The following ZNF385D variants were observed in gnomAD, a reference collection of about 807,000 sequenced individuals.
The protein encoded by ZNF385D is zinc finger protein 385D, also known as zinc finger protein 659.
In ZNF385D, 15 loss-of-function variants were observed where a neutral mutation model predicts 35.8. The ratio of observed to expected loss-of-function variants is 0.42; its 90% CI spans 0.28 to 0.64. The LOEUF (loss-of-function observed/expected upper bound fraction) is 0.64. Ranked by LOEUF, ZNF385D falls within the 30% of genes least tolerant of loss-of-function variation. The probability of loss-of-function intolerance (pLI) is 0.23; values close to 1 mark genes in which losing one functional copy is unlikely to be tolerated. For synonymous variants in ZNF385D, 212 were observed against 186.8 expected, an observed-to-expected ratio of 1.13 and a Z score of -1.10; for missense variants, 474 against 494.6, an observed-to-expected ratio of 0.96 and a Z score of 0.39.
intron 3 of ZNF385D, among the ~76,000 whole-genome samples, chr3:21,773,606 C>T (rs1393983088): frequency 1.3e-5 from 2 of 151,788 alleles, no homozygotes; most frequent in Admixed American, 6.6e-5. Flanking sequence ...AAAAAGTGGG[C>T]AAAGAACACA....
At chr3:22,235,315 C>T (rs948231076) in intron 2 of ZNF385D, among the ~76,000 whole-genome samples, 2 of 151,750 alleles carry the variant, frequency 1.3e-5, no homozygotes, top group African/African-American at 4.8e-5. Flanking sequence ...ATGTGAAAAA[C>T]AACTTTAAAA....
At chr3:21,842,296 T>C (rs1391302403) in intron 3 of ZNF385D, among the ~76,000 whole-genome samples, 1 of 152,016 alleles carries the variant, frequency 6.6e-6, no homozygotes, top group Non-Finnish European at 1.5e-5. Context: ...TCATTTTGAA[T>C]ATATGTGCTA....
chr3:21,693,683 G>T (rs547438801), intron 1 of ZNF385D, among the ~76,000 whole-genome samples: 1 of 152,020 alleles, frequency 6.6e-6, no homozygotes, highest in East Asian at 1.9e-4. Flanking sequence ...AGAAATACTG[G>T]AATCATCTCC....
intron 3 of ZNF385D, among the ~76,000 whole-genome samples, chr3:21,969,014 A>T (rs185693361): frequency 1.3e-5 from 2 of 152,158 alleles, no homozygotes; most frequent in Non-Finnish European, 2.9e-5. Flanking sequence ...CAGATCTGGC[A>T]GCTTTTACCA....
At chr3:22,082,058 C>T (rs1700780848) in intron 3 of ZNF385D, among the ~76,000 whole-genome samples, 1 of 148,466 alleles carries the variant, frequency 6.7e-6, no homozygotes, top group African/African-American at 2.5e-5. Context: ...TGACTTCGAA[C>T]TGCAGTGTTA....
chr3:21,920,400 T>C (rs1700396295), intron 3 of ZNF385D, among the ~76,000 whole-genome samples: 1 of 152,232 alleles, frequency 6.6e-6, no homozygotes, highest in South Asian at 2.1e-4. Context: ...TGTGACATTT[T>C]GAATATGTTA....
chr3:21,974,779 AAAG>A (rs1247555387), intron 3 of ZNF385D, among the ~76,000 whole-genome samples: 1 of 152,198 alleles, frequency 6.6e-6, no homozygotes, highest in African/African-American at 2.4e-5. Context: ...ACGTTTCTCA[AAAG>A]AAGGCACGCA....
At chr3:21,928,636 C>T (rs549928149) in intron 3 of ZNF385D, among the ~76,000 whole-genome samples, 2 of 152,040 alleles carry the variant, frequency 1.3e-5, no homozygotes, top group Non-Finnish European at 2.9e-5. Context: ...AGATAGATTA[C>T]CAAATTGAGG....
chr3:22,104,294 ACT>A (rs1702094070), intron 3 of ZNF385D, among the ~76,000 whole-genome samples: 2 of 152,056 alleles, frequency 1.3e-5, no homozygotes, highest in Admixed American at 1.3e-4. Context: ...ACTAAAATTC[ACT>A]GAGTGTGTCT....
chr3:21,587,400 A>G (rs372124811), intron 2 of ZNF385D, among the ~76,000 whole-genome samples: 2 of 152,144 alleles, frequency 1.3e-5, no homozygotes, highest in Admixed American at 1.3e-4. Context: ...CATTTTTAGG[A>G]TACAGGCTTT....
chr3:22,367,717 A>T (rs1696719135), intron 2 of ZNF385D, among the ~76,000 whole-genome samples: 1 of 151,994 alleles, frequency 6.6e-6, no homozygotes, highest in African/African-American at 2.4e-5. Context: ...ATAGATGGAG[A>T]CTGTTGGAGA....
chr3:21,827,892 C>A (rs942864781), intron 3 of ZNF385D, among the ~76,000 whole-genome samples: 9 of 152,076 alleles, frequency 5.9e-5, no homozygotes, highest in African/African-American at 2.2e-4. Flanking sequence ...TTTCTATATT[C>A]AAAGAGTGTT....
At chr3:21,891,273 T>C (rs1319030561) in intron 3 of ZNF385D, among the ~76,000 whole-genome samples, 1 of 152,122 alleles carries the variant, frequency 6.6e-6, no homozygotes, top group Non-Finnish European at 1.5e-5. Context: ...ATCTATCTAA[T>C]GGATAGAATG....
chr3:22,198,976 A>G (rs563909979), intron 2 of ZNF385D, among the ~76,000 whole-genome samples: 1 of 152,278 alleles, frequency 6.6e-6, no homozygotes, highest in Non-Finnish European at 1.5e-5. Context: ...TCTGCAAAAT[A>G]TAAATTCCAC....
chr3:22,227,545 G>A (rs1245886103), intron 2 of ZNF385D, among the ~76,000 whole-genome samples: 1 of 152,118 alleles, frequency 6.6e-6, no homozygotes, highest in African/African-American at 2.4e-5. Flanking sequence ...AACAAATGAA[G>A]TCTCCATAAA....
chr3:21,585,975 T>A (rs891294367), intron 2 of ZNF385D, among the ~76,000 whole-genome samples: 2 of 151,962 alleles, frequency 1.3e-5, no homozygotes, highest in African/African-American at 4.8e-5. Context: ...CCAAGACCAG[T>A]CTCGGCAACA....
intron 4 of ZNF385D, among the ~76,000 whole-genome samples, chr3:21,472,075 C>T (rs1464527556): frequency 2.6e-5 from 4 of 151,988 alleles, no homozygotes; most frequent in Non-Finnish European, 4.4e-5. Flanking sequence ...ATGTTACGCT[C>T]GTCAATAAAT....
At chr3:22,257,890 T>A (rs1388135972) in intron 2 of ZNF385D, among the ~76,000 whole-genome samples, 5 of 151,846 alleles carry the variant, frequency 3.3e-5, no homozygotes, top group East Asian at 3.9e-4. Flanking sequence ...GTGATATTTT[T>A]AAAAAATTAG....
intron 2 of ZNF385D, among the ~76,000 whole-genome samples, chr3:21,610,121 A>G (rs1222777950): frequency 6.8e-6 from 1 of 147,786 alleles, no homozygotes; most frequent in Non-Finnish European, 1.5e-5. Flanking sequence ...TATAAGGACA[A>G]TTTAGGCAAC....
Sources: allele counts gnomAD v4.1 joint callset (sites outside exome capture counted in the v4.1 genomes callset), GRCh38; gene constraint gnomAD v4.1.1; transcripts MANE v1.5; gene names NCBI Gene and HGNC (gene_info 2026-07-23, HGNC 2026-07-21).